The following C4orf50 variants were observed in gnomAD, a reference collection of about 807,000 sequenced individuals.
C4orf50 encodes the protein chromosome 4 open reading frame 50.
In C4orf50, 80 loss-of-function variants were observed where a neutral mutation model predicts 77.2. The ratio of observed to expected loss-of-function variants is 1.04; its 90% CI spans 0.87 to 1.25. C4orf50 has a LOEUF of 1.25. C4orf50 is among the 50% of genes most tolerant of loss of function. The pLI, the probability that C4orf50 is intolerant of heterozygous loss-of-function variation, is 0.00. For missense variants in C4orf50, 1,257 were observed against 1,152.9 expected (o/e 1.09, Z -1.31); for synonymous variants, 532 against 465.3 (o/e 1.14, Z -1.84).
chr4:5,962,503 A>T (rs1263766287), intron 33 of C4orf50, among the ~76,000 whole-genome samples: 1 of 152,230 alleles, frequency 6.6e-6, no homozygotes, highest in African/African-American at 2.4e-5. Flanking sequence ...AGCAGACATT[A>T]GAGGGTTTGT....
Position 5,900,983 on chromosome 4 carries a change from T to C in C4orf50, c.*2475-2795A>G, listed in dbSNP as rs976289167. 2 of 152,228 alleles carry C rather than the reference T, an allele frequency of 1.3e-5. No homozygotes were observed. Among genetic ancestry groups the C allele is most frequent in the Non-Finnish European group, 2.9e-5 (2 of 68,056 alleles). The allele number at this position is 152,228 out of a possible 1,614,324, so 9.4% of individuals were successfully genotyped here. ...TATGTCTTGCATTTGTTGCAGCCCATTGGTCTGCAGAGCGATCAAACCACA... is the reference window on the plus strand; with the variant it reads ...TATGTCTTGCATTTGTTGCAGCCCACTGGTCTGCAGAGCGATCAAACCACA... On this transcript the variant is annotated intron_variant, in intron 7 of 7. Coordinates refer to the C4orf50 transcript ENST00000324058. The surrounding 1 kb of genome is among the most constrained non-coding windows in gnomAD (Gnocchi z 4.3).
At chr4:5,909,972 G>A (rs1265959490) in intron 7 of C4orf50, among the ~76,000 whole-genome samples, 1 of 152,188 alleles carries the variant, frequency 6.6e-6, no homozygotes, top group Non-Finnish European at 1.5e-5. Context: ...CCTCAGGATT[G>A]TGTTAGCTAT....
chr4:5,926,390 C>T (rs1376202224), intron 7 of C4orf50, among the ~76,000 whole-genome samples: 1 of 152,142 alleles, frequency 6.6e-6, no homozygotes, highest in Non-Finnish European at 1.5e-5. Context: ...AGCAGACAGA[C>T]CCACAGGGAC....
At chr4:6,013,548 T>A (rs747517992) in intron 23 of C4orf50, among the ~76,000 whole-genome samples, 3 of 152,144 alleles carry the variant, frequency 2.0e-5, no homozygotes, top group Non-Finnish European at 4.4e-5. Context: ...AATGTTACCT[T>A]AAAATGCAAG....
intron 28 of C4orf50, among the ~76,000 whole-genome samples, chr4:5,987,646 G>A (rs1238120345): frequency 6.6e-6 from 1 of 151,608 alleles, no homozygotes; most frequent in African/African-American, 2.4e-5. Context: ...AGATGGAGAA[G>A]GAGACACAGA....
rs1722418268 is a variant in C4orf50 at position 6,009,892 on chromosome 4, G to T, written c.427-1360C>A. 6.6e-6 allele frequency among the ~76,000 whole-genome samples: 1 copy of T among 152,172 alleles called. No individual in the cohort carries two copies. Among genetic ancestry groups the T allele is most frequent in the Admixed American group, 6.5e-5 (1 of 15,284 alleles). ...CTATCACTTTGAACATCTGCCGCCTGTCTGGAAATGGGGTTTTGTGATGAG... is the reference window on the plus strand; with the variant it reads ...CTATCACTTTGAACATCTGCCGCCTTTCTGGAAATGGGGTTTTGTGATGAG... On this transcript the variant is annotated intron_variant, in intron 24 of 33. Coordinates refer to ENST00000531445, the Ensembl canonical transcript of C4orf50. The surrounding 1 kb of genome is among the most constrained non-coding windows in gnomAD (Gnocchi z 5.6).
chr4:5,936,327 C>T (rs1452976728), intron 7 of C4orf50, among the ~76,000 whole-genome samples: 2 of 151,916 alleles, frequency 1.3e-5, no homozygotes, highest in African/African-American at 2.4e-5. Context: ...TTTGGGAGGC[C>T]GAGGCGGGTG....
At chr4:5,977,447 T>C (rs746528848) in intron 29 of C4orf50, among the ~76,000 whole-genome samples, 2 of 152,230 alleles carry the variant, frequency 1.3e-5, no homozygotes, top group African/African-American at 2.4e-5. Context: ...TTAAATAATA[T>C]GCAAGATTTT....
At chr4:5,906,192 G>A (rs561380452) in intron 7 of C4orf50, among the ~76,000 whole-genome samples, 3 of 151,966 alleles carry the variant, frequency 2.0e-5, no homozygotes, top group Non-Finnish European at 4.4e-5. Flanking sequence ...AACCTGTGAC[G>A]GTTGGCAGCA....
intron 7 of C4orf50, among the ~76,000 whole-genome samples, chr4:5,940,828 C>T (rs1449157929): frequency 1.3e-5 from 2 of 152,162 alleles, no homozygotes; most frequent in African/African-American, 4.8e-5. Flanking sequence ...TGCCTTTAGA[C>T]CACCATATGC....
chr4:5,904,911 C>G (rs1249515307), intron 7 of C4orf50: 2 of 152,152 alleles, frequency 1.3e-5, no homozygotes, highest in African/African-American at 4.8e-5. Flanking sequence ...ATCAATGAGT[C>G]CTTATGGCAG....
In C4orf50 at chr4:5,989,512, C is replaced by T. The variant is rs1477891630; in HGVS notation, c.2534G>A (p.Trp845Ter). Residue 845 changes from tryptophan (W) to a stop codon, truncating the protein, a stop_gained, in exon 28 of 34, where the codon TGG (tryptophan) becomes TAG (stop). Transcript: ENST00000531445. LOFTEE classifies it high-confidence loss of function. ...GTGAGCTCTCTCCCAGCCACTGTGCCACTTCTGAGCAAAGCTCCAGTTCTC... is the reference window on the plus strand; with the variant it reads ...GTGAGCTCTCTCCCAGCCACTGTGCTACTTCTGAGCAAAGCTCCAGTTCTC... The T allele has an allele frequency of 6.5e-7, 1 of 1,536,138 alleles. No homozygotes were observed. Among genetic ancestry groups the T allele is most frequent in the Admixed American group, 2.0e-5 (1 of 50,986 alleles).
chr4:5,955,476 T>C (rs1718915378), downstream of C4orf50, among the ~76,000 whole-genome samples: 2 of 151,804 alleles, frequency 1.3e-5, no homozygotes, highest in East Asian at 3.9e-4. This position sits in a 1 kb window ranked among gnomAD's most constrained non-coding sequence, Gnocchi z 5.1. Flanking sequence ...CAAGGCTCCA[T>C]GAGATAAGAT....
chr4:5,911,024 G>A (rs1486540998), intron 7 of C4orf50, among the ~76,000 whole-genome samples: 3 of 148,344 alleles, frequency 2.0e-5, no homozygotes, highest in Non-Finnish European at 4.4e-5. Flanking sequence ...TCCTGCCTCA[G>A]CCTCCCAAGT....
chr4:5,923,345 G>C (rs757427914), intron 7 of C4orf50: 1 of 154,312 alleles, frequency 6.5e-6, no homozygotes, highest in Non-Finnish European at 1.5e-5. Context: ...AATGAGCCCT[G>C]AGTGTGAACT....
intron 7 of C4orf50, among the ~76,000 whole-genome samples, chr4:5,912,572 T>G (rs1716856180): frequency 6.6e-6 from 1 of 152,096 alleles, no homozygotes; most frequent in Non-Finnish European, 1.5e-5. Context: ...GCACCCAGTA[T>G]TTTGTTTTAA....
At chr4:5,945,901 C>T (rs1718460830) in intron 7 of C4orf50, among the ~76,000 whole-genome samples, 2 of 152,238 alleles carry the variant, frequency 1.3e-5, no homozygotes, top group South Asian at 4.2e-4. Context: ...GGAGGCTGAC[C>T]CCAAGGATGA....
intron 25 of C4orf50, among the ~76,000 whole-genome samples, chr4:6,006,840 G>A (rs1722269306): frequency 6.6e-6 from 1 of 152,172 alleles, no homozygotes; most frequent in South Asian, 2.1e-4. Context: ...CATCATGTCT[G>A]GACCCTGACC....
chr4:5,934,683 G>A (rs1420173876), intron 7 of C4orf50, among the ~76,000 whole-genome samples: 1 of 152,214 alleles, frequency 6.6e-6, no homozygotes, highest in African/African-American at 2.4e-5. Context: ...CCTTCCATGT[G>A]TGTCTGGCTG....
Sources: gnomAD v4.1 joint callset for allele counts (sites outside exome capture counted in the v4.1 genomes callset) on GRCh38, gnomAD v4.1.1 for gene constraint, Gnocchi (gnomAD v3.1) non-coding constraint, MANE v1.5 for transcripts, NCBI Gene and HGNC (gene_info 2026-07-23, HGNC 2026-07-21) for gene names.